Variants in ARHGAP6 observed in about 807,000 individuals in gnomAD.
The protein encoded by ARHGAP6 is Rho GTPase activating protein 6.
Under a neutral mutation model 55.7 loss-of-function variants are expected in ARHGAP6, and 16 were observed. The observed-to-expected ratio is 0.29, with a 90% CI of 0.19 to 0.44. The LOEUF (loss-of-function observed/expected upper bound fraction) is 0.44. Ranked by LOEUF, ARHGAP6 falls within the 20% of genes least tolerant of loss-of-function variation. The pLI is 1.00. For synonymous variants in ARHGAP6, 382 were observed against 360.9 expected, an observed-to-expected ratio of 1.06 and a Z score of -0.66; for missense variants, 698 against 808.9, an observed-to-expected ratio of 0.86 and a Z score of 1.66.
chrX:11,533,685 T>C (rs1367564167), intron 1 of ARHGAP6, among the ~76,000 whole-genome samples: 1 of 112,123 alleles, frequency 8.9e-6, no homozygotes, highest in Non-Finnish European at 1.9e-5. Flanking sequence ...ATAAACATGT[T>C]TTACCCAAAT....
chrX:11,214,853 T>TG (rs755249108), intron 2 of ARHGAP6, among the ~76,000 whole-genome samples: 4 of 113,208 alleles, frequency 3.5e-5, no homozygotes, highest in South Asian at 3.6e-4. Context: ...GGGAGCAATG[T>TG]GGGGGGTCCC....
At chrX:11,193,353 C>A (rs912060188) in intron 3 of ARHGAP6, among the ~76,000 whole-genome samples, 1 of 112,528 alleles carries the variant, frequency 8.9e-6, no homozygotes, top group African/African-American at 3.2e-5. Context: ...GCAGCTGTTA[C>A]AAATCCAAAT....
At chrX:11,300,592 T>C in intron 1 of ARHGAP6, 1 of 1,187,844 alleles carries the variant, frequency 8.4e-7, no homozygotes, top group Non-Finnish European at 1.1e-6. Flanking sequence ...ACTGTTCTTT[T>C]GCAATTTTTT....
At chrX:11,329,161 G>A (rs994070692) in intron 1 of ARHGAP6, among the ~76,000 whole-genome samples, 2 of 111,658 alleles carry the variant, frequency 1.8e-5, no homozygotes, top group East Asian at 2.8e-4. Context: ...GAAGGTTACC[G>A]AGCCCAGGCA....
intron 1 of ARHGAP6, among the ~76,000 whole-genome samples, chrX:11,518,720 G>C (rs1375995671): frequency 2.0e-5 from 2 of 101,348 alleles, no homozygotes; most frequent in African/African-American, 7.4e-5. Context: ...TGCCATGCTG[G>C]TGCGCTGCAC....
At chrX:11,366,153 T>C (rs749777624) in intron 1 of ARHGAP6, among the ~76,000 whole-genome samples, 1 of 112,262 alleles carries the variant, frequency 8.9e-6, no homozygotes, top group Non-Finnish European at 1.9e-5. Flanking sequence ...GGCTTCAACA[T>C]AGGAATTTTG....
intron 1 of ARHGAP6, among the ~76,000 whole-genome samples, chrX:11,561,062 T>C (rs1601645787): frequency 1.8e-5 from 2 of 111,931 alleles, no homozygotes; most frequent in Middle Eastern, 9.3e-3. Flanking sequence ...GTTATTGTAA[T>C]ACAGAGTGAA....
chrX:11,188,626 C>G, intron 4 of ARHGAP6, 102 bp downstream of exon 4: 2 of 1,081,863 alleles, frequency 1.8e-6, no homozygotes, highest in Non-Finnish European at 1.2e-6. Context: ...TACCTGAACA[C>G]CAACTACATA....
chrX:11,521,338 G>A (rs1043586081), intron 1 of ARHGAP6, among the ~76,000 whole-genome samples: 2 of 111,981 alleles, frequency 1.8e-5, no homozygotes, highest in African/African-American at 6.5e-5. Flanking sequence ...TTTTTTATAA[G>A]GTGTAAGGAA....
rs202010534 is a variant in ARHGAP6, at chrX:11,156,579, G to A, written c.1857C>T (p.Thr619=). The A allele has an allele frequency of 8.3e-6, 10 of 1,209,771 alleles. No individual in the cohort carries two copies. The Admixed American group carries it at 1.5e-4, about 19-fold the overall frequency. The change falls in exon 10 of 13, where the codon ACC becomes ACT. Residue 619 remains threonine (T), a synonymous_variant. Transcript: ENST00000337414. The stretch of plus-strand genomic sequence containing the variant: ...GTAAATAGTCCACGACATCAGGATC[G>A]GTCTCTAACAGGCTGATCAGCACTT... ...QNEVLISLLE[T]DPDVVDYLLR... is the part of the protein sequence containing the mutation.
rs148489810 is a variant in ARHGAP6, at chrX:11,641,887, T to C, written c.588+22354A>G. Among the ~76,000 whole-genome samples the C allele has an allele frequency of 6.3e-3, 708 of 111,823 alleles. 3 individuals are homozygous for C. Among genetic ancestry groups the C allele is most frequent in the African/African-American group, 0.022 (683 of 30,843 alleles). ...CTCAGCTGCATTTAATTATCAATCA[T>C]ATCATCATCACTTGCTTTCTCTTCT... is the stretch of plus-strand genomic sequence containing the variant. On this transcript the variant is annotated intron_variant, in intron 1 of 12. Transcript: ENST00000337414.
At chrX:11,407,838 G>A (rs928436952) in intron 1 of ARHGAP6, among the ~76,000 whole-genome samples, 1 of 111,169 alleles carries the variant, frequency 9.0e-6, no homozygotes, top group African/African-American at 3.3e-5. Flanking sequence ...GAGGAGGTGT[G>A]GGATGATATT....
At chrX:11,385,598 G>A (rs753258664) in intron 1 of ARHGAP6, among the ~76,000 whole-genome samples, 3 of 111,857 alleles carry the variant, frequency 2.7e-5, no homozygotes, top group South Asian at 7.5e-4. Context: ...CTGACATATC[G>A]AACTTATGAT....
intron 1 of ARHGAP6, among the ~76,000 whole-genome samples, chrX:11,639,455 A>G (rs1004170553): frequency 9.1e-6 from 1 of 109,846 alleles, no homozygotes; most frequent in African/African-American, 3.3e-5. Flanking sequence ...GAGCGAGAAC[A>G]TGCAGTGTTT....
chrX:11,513,816 T>C (rs2050808036), intron 1 of ARHGAP6, among the ~76,000 whole-genome samples: 1 of 111,038 alleles, frequency 9.0e-6, no homozygotes, highest in Non-Finnish European at 1.9e-5. Flanking sequence ...GACTTCTCTA[T>C]GAACACACTC....
intron 1 of ARHGAP6, among the ~76,000 whole-genome samples, chrX:11,423,314 T>G (rs2049844650): frequency 8.9e-6 from 1 of 112,778 alleles, no homozygotes; most frequent in African/African-American, 3.2e-5. Flanking sequence ...TTAAGCAAAC[T>G]TAATGACTTC....
At chrX:11,204,715 T>A in intron 2 of ARHGAP6, among the ~76,000 whole-genome samples, 1 of 112,054 alleles carries the variant, frequency 8.9e-6, no homozygotes, top group Non-Finnish European at 1.9e-5. Flanking sequence ...TTTTGCAGTC[T>A]CTCCAGCTAC....
chrX:11,174,415 C>CCAGT (rs1245541178), intron 8 of ARHGAP6, among the ~76,000 whole-genome samples: 12 of 111,397 alleles, frequency 1.1e-4, no homozygotes, highest in African/African-American at 3.9e-4. Context: ...TATCCTGAGG[C>CCAGT]CAGTCATTAG....
At chrX:11,562,305 CT>C (rs1435811224) in intron 1 of ARHGAP6, among the ~76,000 whole-genome samples, 1 of 111,870 alleles carries the variant, frequency 8.9e-6, no homozygotes. Flanking sequence ...ATTTGAGGAA[CT>C]GCCCTCAGAT....
Sources: allele counts gnomAD v4.1 joint callset (sites outside exome capture counted in the v4.1 genomes callset), GRCh38; gene constraint gnomAD v4.1.1; transcripts MANE v1.5; gene names NCBI Gene and HGNC (gene_info 2026-07-23, HGNC 2026-07-21).